KHDRBS1: variants seen among roughly 807,000 people sequenced by gnomAD.
KHDRBS1 encodes KH RNA binding domain containing, signal transduction associated 1.
In KHDRBS1, 7 loss-of-function variants were observed where a neutral mutation model predicts 48.4. That is an observed-to-expected ratio of 0.14 (90% CI 0.08 to 0.27). KHDRBS1 has a LOEUF of 0.27. Among genes scored for constraint, KHDRBS1 ranks in the 10% least tolerant of loss-of-function variants. The probability of loss-of-function intolerance (pLI) is 1.00; values close to 1 mark genes in which losing one functional copy is unlikely to be tolerated. For missense variants in KHDRBS1, 458 were observed against 601.2 expected (o/e 0.76, Z 2.49); for synonymous variants, 241 against 235.8 (o/e 1.02, Z -0.20).
intron 1 of KHDRBS1, among the ~76,000 whole-genome samples, chr1:32,019,288 G>A (rs1301715408): frequency 1.3e-5 from 2 of 152,140 alleles, no homozygotes; most frequent in Admixed American, 6.5e-5. Flanking sequence ...AGTTTCTCAC[G>A]CCTGTAATCC....
rs909238413 is a variant in KHDRBS1 at position 32,043,575 on chromosome 1, T to G, written c.*951T>G. ...CTCCATGAAAAGTTCACTTGGACGC[T>G]GGGGCCAAAAGCTGTTGATTTTCTT... is the stretch of plus-strand genomic sequence containing the variant. On this transcript the variant is annotated 3_prime_UTR_variant, in exon 9 of 9. Coordinates refer to ENST00000327300, the MANE Select transcript of KHDRBS1 (RefSeq NM_006559.3). 14 of 152,636 alleles carry G rather than the reference T, an allele frequency of 9.2e-5. No homozygotes were observed. Among genetic ancestry groups the G allele is most frequent in the African/African-American group, 3.1e-4 (13 of 41,446 alleles). The allele number at this position is 152,636 out of a possible 1,614,324, so 9.5% of individuals were successfully genotyped here. A position where few individuals can be genotyped will look rare whatever the true frequency, so the allele number is the denominator to read the frequency against.
At chr1:32,054,833 A>G (rs1340365199) in intron 10 of KHDRBS1, among the ~76,000 whole-genome samples, 3 of 152,172 alleles carry the variant, frequency 2.0e-5, no homozygotes, top group Non-Finnish European at 4.4e-5. Flanking sequence ...GCCCCAAGGC[A>G]GTTATTCCAG....
At chr1:32,041,109 T>TA (rs1225763425) in intron 8 of KHDRBS1, among the ~76,000 whole-genome samples, 1 of 152,176 alleles carries the variant, frequency 6.6e-6, no homozygotes, top group African/African-American at 2.4e-5. Flanking sequence ...GTGCTCCTGA[T>TA]ACGACGTTGC....
chr1:32,015,574 TGATCCTTA>T (rs1367622593), intron 1 of KHDRBS1, among the ~76,000 whole-genome samples: 1 of 152,224 alleles, frequency 6.6e-6, no homozygotes, highest in African/African-American at 2.4e-5. Context: ...CAAAAACTGT[TGATCCTTA>T]AAAGTTACTT....
intron 10 of KHDRBS1, among the ~76,000 whole-genome samples, chr1:32,059,785 G>A (rs1455799904): frequency 1.3e-5 from 2 of 151,928 alleles, no homozygotes; most frequent in African/African-American, 4.8e-5. Context: ...AAAGATTTTT[G>A]TTCATCTTTT....
At chr1:32,042,366 A>G (rs1466218133) in intron 8 of KHDRBS1, among the ~76,000 whole-genome samples, 161 bp from the exon 9 acceptor site, 1 of 152,208 alleles carries the variant, frequency 6.6e-6, no homozygotes, top group Non-Finnish European at 1.5e-5. Flanking sequence ...CAGGCTGCCC[A>G]AGAGGGCCAA....
chr1:32,041,001 A>G (rs1438028738), intron 8 of KHDRBS1, among the ~76,000 whole-genome samples: 1 of 152,142 alleles, frequency 6.6e-6, no homozygotes, highest in Non-Finnish European at 1.5e-5. Context: ...TCCCTCCATC[A>G]GTGAGGCAGT....
At chr1:32,055,020 T>C (rs1569827164) in intron 10 of KHDRBS1, among the ~76,000 whole-genome samples, 1 of 152,180 alleles carries the variant, frequency 6.6e-6, no homozygotes, top group Non-Finnish European at 1.5e-5. Flanking sequence ...GAAGTCTTTA[T>C]GTTCCTCCTT....
At chr1:32,022,937 G>T (rs2124363612) in intron 1 of KHDRBS1, among the ~76,000 whole-genome samples, 1 of 151,622 alleles carries the variant, frequency 6.6e-6, no homozygotes, top group Middle Eastern at 3.4e-3. Flanking sequence ...TGATTTTTTA[G>T]TTAAGCCAGA....
At chr1:32,018,742 G>A (rs1405728450) in intron 1 of KHDRBS1, among the ~76,000 whole-genome samples, 1 of 150,702 alleles carries the variant, frequency 6.6e-6, no homozygotes, top group Non-Finnish European at 1.5e-5. Flanking sequence ...GGGGGACAGA[G>A]TGAGACTCCG....
chr1:32,016,389 G>A (rs182516459), intron 1 of KHDRBS1, among the ~76,000 whole-genome samples: 29 of 152,108 alleles, frequency 1.9e-4, no homozygotes, highest in African/African-American at 7.0e-4. Context: ...AGTAAGCATC[G>A]TAACCAGGAT....
chr1:32,054,260 G>T (rs1467346360), intron 10 of KHDRBS1, among the ~76,000 whole-genome samples: 2 of 152,156 alleles, frequency 1.3e-5, no homozygotes, highest in Non-Finnish European at 2.9e-5. Context: ...CTGTTTACCA[G>T]TGTACCGGCA....
chr1:32,016,426 G>C (rs1283381595), intron 1 of KHDRBS1, among the ~76,000 whole-genome samples: 1 of 151,744 alleles, frequency 6.6e-6, no homozygotes, highest in East Asian at 1.9e-4. Flanking sequence ...CACCTTCCCC[G>C]TTCCCTCACT....
chr1:32,055,218 G>A (rs1458743888), intron 10 of KHDRBS1, among the ~76,000 whole-genome samples: 1 of 152,204 alleles, frequency 6.6e-6, no homozygotes, highest in Non-Finnish European at 1.5e-5. Flanking sequence ...GGGAAGCCAA[G>A]GCGGGCGGAT....
intron 1 of KHDRBS1, among the ~76,000 whole-genome samples, chr1:32,018,709 A>T (rs1569762920): frequency 1.3e-5 from 2 of 151,732 alleles, no homozygotes; most frequent in Non-Finnish European, 2.9e-5. Flanking sequence ...GTGAGCCGAG[A>T]TCGCGCCACT....
intron 4 of KHDRBS1, among the ~76,000 whole-genome samples, chr1:32,035,751 C>T (rs1639165495): frequency 6.6e-6 from 1 of 152,186 alleles, no homozygotes; most frequent in South Asian, 2.1e-4. Flanking sequence ...ATGTCTGATA[C>T]TATGCTTGGG....
At chr1:32,035,732 A>T (rs142922539) in intron 4 of KHDRBS1, among the ~76,000 whole-genome samples, 598 of 152,344 alleles carry the variant, frequency 3.9e-3, no homozygotes, top group Middle Eastern at 0.014. Flanking sequence ...TTTCTTAAGT[A>T]TCTGTCAGAT....
intron 8 of KHDRBS1, 137 bp from the exon 9 acceptor site, chr1:32,042,390 C>T (rs573348464): frequency 3.9e-4 from 241 of 620,670 alleles, no homozygotes; most frequent in Admixed American, 7.6e-4. Flanking sequence ...AAGTAGAGAG[C>T]AAGGAACACC....
intron 10 of KHDRBS1, among the ~76,000 whole-genome samples, chr1:32,058,768 A>C (rs1639510521): frequency 6.6e-6 from 1 of 152,208 alleles, no homozygotes; most frequent in Admixed American, 6.5e-5. Flanking sequence ...GTGCCACTGC[A>C]CTGCAGCCTG....
Sources: gnomAD v4.1 joint callset for allele counts (sites outside exome capture counted in the v4.1 genomes callset) on GRCh38, gnomAD v4.1.1 for gene constraint, MANE v1.5 for transcripts, NCBI Gene and HGNC (gene_info 2026-07-23, HGNC 2026-07-21) for gene names.